The following TECPR2 variants were observed in gnomAD, a reference collection of about 807,000 sequenced individuals.
The protein encoded by TECPR2 is tectonin beta-propeller repeat containing 2.
In TECPR2, 65 loss-of-function variants were observed where a neutral mutation model predicts 138.1. The ratio of observed to expected loss-of-function variants is 0.47; its 90% CI spans 0.39 to 0.58. The LOEUF is 0.58. Among genes scored for constraint, TECPR2 ranks in the 20% least tolerant of loss-of-function variants. The pLI is 0.00. For missense variants in TECPR2, 1,553 were observed against 1,824.5 expected (o/e 0.85, Z 2.71); for synonymous variants, 746 against 749.8 (o/e 0.99, Z 0.08).
intron 9 of TECPR2, among the ~76,000 whole-genome samples, chr14:102,436,148 G>A (rs1889664632): frequency 6.6e-6 from 1 of 152,150 alleles, no homozygotes; most frequent in African/African-American, 2.4e-5. Flanking sequence ...AGGAGAAAAT[G>A]GAAGCACAGA....
chr14:102,448,951 G>A (rs1487846314), intron 13 of TECPR2, among the ~76,000 whole-genome samples: 1 of 151,838 alleles, frequency 6.6e-6, no homozygotes, highest in Admixed American at 6.6e-5. Flanking sequence ...GTTGTCCATT[G>A]GAAATACCTG....
At chr14:102,473,925 T>A (rs902433606) in intron 17 of TECPR2, among the ~76,000 whole-genome samples, 1 of 152,104 alleles carries the variant, frequency 6.6e-6, no homozygotes, top group Non-Finnish European at 1.5e-5. Context: ...TCTGAAATGG[T>A]GTCTATGGTG....
intron 17 of TECPR2, among the ~76,000 whole-genome samples, chr14:102,472,468 T>A (rs1414946364): frequency 2.6e-5 from 4 of 152,222 alleles, no homozygotes; most frequent in Admixed American, 1.3e-4. Context: ...CTGCTCTGAA[T>A]AAAGTAGTGA....
chr14:102,405,234 G>A (rs1245221558), intron 2 of TECPR2, among the ~76,000 whole-genome samples: 1 of 152,050 alleles, frequency 6.6e-6, no homozygotes, highest in Non-Finnish European at 1.5e-5. Context: ...ACTTGAACCC[G>A]GGAGGTGGAG....
intron 3 of TECPR2, 88 bp from the exon 4 acceptor site, chr14:102,408,400 G>C: frequency 1.4e-6 from 2 of 1,414,102 alleles, no homozygotes; most frequent in East Asian, 2.4e-5. Context: ...CCCTAACTAG[G>C]AGTGATTGTA....
In TECPR2 at chr14:102,428,222, G is replaced by GTTTTTTTTTTTTT. The variant is rs565236204; in HGVS notation, c.952-18_952-6dup. On this transcript the variant is annotated intron_variant, in intron 6 of 19. Transcript: ENST00000359520. ...ACCGTTGTTTAGTTTTGTGTTTTTT[G>GTTTTTTTTTTTTT]TTTTTTTTTTTTTTTTTTTTTTGAC... 419 of 1,058,514 alleles carry GTTTTTTTTTTTTT rather than the reference G, an allele frequency of 4.0e-4. 18 individuals are homozygous for GTTTTTTTTTTTTT. The highest frequency in any genetic ancestry group is 1.6e-3 in the South Asian group (84 of 51,616). The allele number at this position is 1,058,514 out of a possible 1,614,324, so 65.6% of individuals were successfully genotyped here.
At chr14:102,451,090 C>G (rs905979377) in intron 15 of TECPR2, among the ~76,000 whole-genome samples, 2 of 152,240 alleles carry the variant, frequency 1.3e-5, no homozygotes, top group Admixed American at 6.5e-5. Flanking sequence ...ATTAGGCAGA[C>G]CTGCCCTGCA....
chr14:102,455,287 A>G (rs1212626530), intron 16 of TECPR2, among the ~76,000 whole-genome samples: 1 of 152,060 alleles, frequency 6.6e-6, no homozygotes, highest in African/African-American at 2.4e-5. Flanking sequence ...TAGCAAATCA[A>G]TGTCAGTATC....
At position 102,498,251 on chromosome 14, in the gene TECPR2, C is replaced by T; in HGVS notation, c.4230C>T (p.Val1410=). The stretch of plus-strand genomic sequence containing the variant: ...AGGACCTGGAGGACGAGTGGGAGGT[C>T]ATCTGAAGGAGCCCTGGCCGAGTCA... ...HPEDLEDEWE[V]I Residue 1410 remains valine, a synonymous_variant, in exon 20 of 20, where the codon GTC becomes GTT. Transcript: ENST00000359520. The T allele has an allele frequency of 1.9e-6, 3 of 1,601,170 alleles. No individual in the cohort carries two copies. Among genetic ancestry groups the T allele is most frequent in the Non-Finnish European group, 2.5e-6 (3 of 1,179,626 alleles).
chr14:102,444,800 C>T (rs534960012), intron 12 of TECPR2, among the ~76,000 whole-genome samples: 2 of 152,228 alleles, frequency 1.3e-5, no homozygotes, highest in East Asian at 1.9e-4. Flanking sequence ...AGTGAAATCC[C>T]GTCTCTATTA....
rs1486594864 is a variant in TECPR2, at chr14:102,443,681, A to T, written c.2787A>T (p.Val929=). 6.2e-7 allele frequency: 1 copy of T among 1,606,130 alleles called. No homozygotes were observed. Among genetic ancestry groups the T allele is most frequent in the Non-Finnish European group, 8.5e-7 (1 of 1,174,450 alleles). Residue 929 remains valine, a synonymous_variant, in exon 12 of 20, where the codon GTA becomes GTT. Transcript: ENST00000359520. The surrounding 1 kb of genome is among the most constrained non-coding windows in gnomAD (Gnocchi z 4.9). Reference sequence around the variant, plus strand: ...TGGATCGCCCTTGTGCCAGAGCCGTAAAGGTGGACTGTCCCTACCCGCTGT... The same window carrying T: ...TGGATCGCCCTTGTGCCAGAGCCGTTAAGGTGGACTGTCCCTACCCGCTGT... ...LSVDRPCARA[V]KVDCPYPLSQ... is the part of the protein sequence containing the mutation.
chr14:102,478,103 G>A (rs552284076), intron 17 of TECPR2, among the ~76,000 whole-genome samples: 3 of 151,648 alleles, frequency 2.0e-5, no homozygotes, highest in Middle Eastern at 3.2e-3. Context: ...CTGGAGTGCA[G>A]TGGAGTGATT....
At chr14:102,496,957 G>C in intron 17 of TECPR2, 22 bp from the exon 18 acceptor site, 1 of 1,611,756 alleles carries the variant, frequency 6.2e-7, no homozygotes, top group Non-Finnish European at 8.5e-7. Flanking sequence ...TGCCTTCCCT[G>C]AAAGTCCCTT....
chr14:102,488,722 A>G (rs1286457446), intron 17 of TECPR2, among the ~76,000 whole-genome samples: 1 of 152,044 alleles, frequency 6.6e-6, no homozygotes, highest in Non-Finnish European at 1.5e-5. Flanking sequence ...CCCAGTTCAC[A>G]GCAATGGTAA....
intron 2 of TECPR2, among the ~76,000 whole-genome samples, chr14:102,397,121 G>T (rs1483218424): frequency 3.3e-5 from 5 of 152,144 alleles, no homozygotes; most frequent in Non-Finnish European, 7.3e-5. Context: ...AAAGGTATAG[G>T]CACAGTAAAG....
intron 2 of TECPR2, among the ~76,000 whole-genome samples, chr14:102,400,279 A>G (rs1888443803): frequency 6.6e-6 from 1 of 152,188 alleles, no homozygotes; most frequent in Non-Finnish European, 1.5e-5. Context: ...CTCCGACCTC[A>G]GTTGATCTGC....
At chr14:102,406,839 G>GT (rs1888671785) in intron 2 of TECPR2, among the ~76,000 whole-genome samples, 1 of 152,058 alleles carries the variant, frequency 6.6e-6, no homozygotes, top group African/African-American at 2.4e-5. Flanking sequence ...AGGTATATTT[G>GT]TTTTTTGGTT....
intron 1 of TECPR2, among the ~76,000 whole-genome samples, chr14:102,367,282 A>G (rs1008474855): frequency 2.0e-5 from 3 of 152,198 alleles, no homozygotes; most frequent in African/African-American, 7.2e-5. Flanking sequence ...TACATGCCAC[A>G]CAGTTCACCC....
At position 102,440,487 on chromosome 14, in the gene TECPR2, G is replaced by A; in HGVS notation, c.2630G>A (p.Gly877Glu). The A allele has an allele frequency of 1.7e-5, 28 of 1,614,232 alleles. No individual in the cohort carries two copies. Among genetic ancestry groups the A allele is most frequent in the Non-Finnish European group, 2.3e-5 (27 of 1,180,046 alleles). The part of the protein sequence containing the change: ...EQKSNRAFAC[G>E]KVTIKGKRHW... Reference sequence around the variant, plus strand: ...AAATCTAACCGGGCTTTTGCTTGTGGGAAAGTCACCATCAAGGGGAAGCGG... The same window carrying A: ...AAATCTAACCGGGCTTTTGCTTGTGAGAAAGTCACCATCAAGGGGAAGCGG... The change falls in exon 11 of 20, where the codon GGG becomes GAG. Residue 877 changes from glycine to glutamate, a missense_variant. Transcript: ENST00000359520.
Sources: allele counts gnomAD v4.1 joint callset (sites outside exome capture counted in the v4.1 genomes callset), GRCh38; gene constraint gnomAD v4.1.1; non-coding constraint Gnocchi (gnomAD v3.1); transcripts MANE v1.5; gene names NCBI Gene and HGNC (gene_info 2026-07-23, HGNC 2026-07-21).